Variants in YIPF7 observed in about 807,000 individuals in gnomAD.
YIPF7 encodes the protein protein YIPF7.
A neutral mutation model predicts 27.2 loss-of-function variants in YIPF7; 35 were observed. The ratio of observed to expected loss-of-function variants is 1.29; its 90% CI spans 0.98 to 1.70. The LOEUF is 1.70. Ranked by LOEUF, YIPF7 falls within the 40% of genes most tolerant of loss-of-function variation. The pLI is 0.00. For synonymous variants in YIPF7, 137 were observed against 110.4 expected (o/e 1.24, Z -1.51); for missense variants, 358 against 303.7 (o/e 1.18, Z -1.33).
upstream of YIPF7, among the ~76,000 whole-genome samples, chr4:44,655,476 ATTT>A (rs1560331602): frequency 2.0e-5 from 3 of 151,998 alleles, no homozygotes; most frequent in East Asian, 5.8e-4. Flanking sequence ...GAATGTACCT[ATTT>A]AGGAACACTA....
intron 2 of YIPF7, among the ~76,000 whole-genome samples, chr4:44,643,251 G>A (rs544007458): frequency 1.3e-5 from 2 of 152,286 alleles, no homozygotes; most frequent in South Asian, 2.1e-4. Context: ...TGGGTGCATT[G>A]TGCCCCCTTC....
At chr4:44,651,721 C>A, upstream of YIPF7, 3 of 774,868 alleles carry the variant, frequency 3.9e-6, no homozygotes, top group South Asian at 4.7e-5. Flanking sequence ...AAAAGCCTGC[C>A]AAAAGCCAAA....
At chr4:44,625,191 A>C (rs1301004322) in intron 4 of YIPF7, among the ~76,000 whole-genome samples, 1 of 152,224 alleles carries the variant, frequency 6.6e-6, no homozygotes, top group Non-Finnish European at 1.5e-5. Flanking sequence ...TAAAATTAGC[A>C]AACACCTACA....
Position 44,635,924 on chromosome 4 carries a change from T to C in YIPF7, c.278A>G (p.Glu93Gly). ...DSFDEEPPLL[E>G]ELGIHFDHIW... ...TTAATAACACTTCCTTAACTTATCT[T>C]CTAGCAAAGGAGGCTCTTCATCAAA... The change falls in exon 3 of 6, where the codon GAA (glutamate) becomes GGA (glycine). Residue 93 changes from glutamate (E) to glycine (G), a missense_variant and splice_region_variant. Physicochemically the swap from Glu to Gly is moderately conservative, Grantham distance 98. Transcript: ENST00000415895. The C allele has an allele frequency of 6.2e-7, 1 of 1,613,658 alleles. No homozygotes were observed. The highest frequency in any genetic ancestry group is 8.5e-7 in the Non-Finnish European group (1 of 1,179,704).
At chr4:44,648,040 A>G (rs1713589029) in intron 2 of YIPF7, among the ~76,000 whole-genome samples, 1 of 152,156 alleles carries the variant, frequency 6.6e-6, no homozygotes, top group Non-Finnish European at 1.5e-5. Flanking sequence ...ATTTTATAAT[A>G]AGTCATATGC....
chr4:44,645,344 A>G (rs1713490141), intron 2 of YIPF7, among the ~76,000 whole-genome samples: 1 of 152,236 alleles, frequency 6.6e-6, no homozygotes. Flanking sequence ...ATATTCTTAG[A>G]GACATCTTTC....
At chr4:44,646,930 A>G (rs1293013436) in intron 2 of YIPF7, among the ~76,000 whole-genome samples, 2 of 152,170 alleles carry the variant, frequency 1.3e-5, no homozygotes, top group East Asian at 3.9e-4. Context: ...GATATGGGGT[A>G]TATTTTAATT....
chr4:44,629,614 C>T (rs1712809686), intron 3 of YIPF7, 66 bp from the exon 4 acceptor site: 3 of 1,233,832 alleles, frequency 2.4e-6, no homozygotes, highest in East Asian at 5.3e-5. Flanking sequence ...ATAAGTTACA[C>T]TCTTTAAAGG....
intron 1 of YIPF7, among the ~76,000 whole-genome samples, chr4:44,650,442 T>A (rs954568392): frequency 6.6e-6 from 1 of 151,764 alleles, no homozygotes; most frequent in African/African-American, 2.4e-5. Context: ...AGGACACATC[T>A]AGAAGGATTT....
chr4:44,623,741 C>T (rs1712521667), intron 5 of YIPF7, among the ~76,000 whole-genome samples: 1 of 152,108 alleles, frequency 6.6e-6, no homozygotes, highest in Admixed American at 6.5e-5. Flanking sequence ...GTTGCACATA[C>T]TAATTGCCTA....
At chr4:44,651,515 G>T in intron 1 of YIPF7, 39 bp downstream of exon 1, 1 of 1,443,514 alleles carries the variant, frequency 6.9e-7, no homozygotes, top group Non-Finnish European at 9.4e-7. Flanking sequence ...TTTGTATTTT[G>T]TTTAAATGCC....
At chr4:44,645,329 T>G (rs1713489627) in intron 2 of YIPF7, among the ~76,000 whole-genome samples, 1 of 152,216 alleles carries the variant, frequency 6.6e-6, no homozygotes. Flanking sequence ...CCAATGAGTT[T>G]TCATATATTC....
At chr4:44,652,993 A>T (rs144091878), upstream of YIPF7, among the ~76,000 whole-genome samples, 142 of 152,242 alleles carry the variant, frequency 9.3e-4, 1 homozygote, top group African/African-American at 3.2e-3. Flanking sequence ...GTTAAGATGG[A>T]GAGTGCAAAG....
intron 2 of YIPF7, among the ~76,000 whole-genome samples, chr4:44,640,787 A>C (rs1446051406): frequency 6.6e-6 from 1 of 152,114 alleles, no homozygotes; most frequent in African/African-American, 2.4e-5. Flanking sequence ...ATGCCACACT[A>C]GCTTCTTAGT....
chr4:44,650,552 C>A (rs1425631270), intron 1 of YIPF7, among the ~76,000 whole-genome samples: 1 of 151,432 alleles, frequency 6.6e-6, no homozygotes, highest in African/African-American at 2.4e-5. Context: ...GGATTATTAT[C>A]TGCAAATGGC....
At chr4:44,644,930 T>C (rs1713473355) in intron 2 of YIPF7, among the ~76,000 whole-genome samples, 1 of 152,164 alleles carries the variant, frequency 6.6e-6, no homozygotes, top group Non-Finnish European at 1.5e-5. Flanking sequence ...TCTGGTTGTT[T>C]AAAGATGTGC....
intron 3 of YIPF7, among the ~76,000 whole-genome samples, chr4:44,634,975 T>C (rs1221285573): frequency 6.6e-6 from 1 of 152,296 alleles, no homozygotes. Context: ...ATTATATAAA[T>C]CTCTGTTCTG....
intron 2 of YIPF7, among the ~76,000 whole-genome samples, chr4:44,660,062 G>A (rs1299725054): frequency 4.8e-5 from 6 of 126,132 alleles, no homozygotes; most frequent in African/African-American, 1.2e-4. Flanking sequence ...TGCAGTGAGC[G>A]GAGATTGCGC....
At chr4:44,651,470 T>C (rs917466015) in intron 1 of YIPF7, 84 bp downstream of exon 1, 16 of 779,892 alleles carry the variant, frequency 2.1e-5, no homozygotes, top group Non-Finnish European at 2.9e-5. Flanking sequence ...TTATGTAACA[T>C]GACTATTGGT....
Sources: gnomAD v4.1 joint callset for allele counts (sites outside exome capture counted in the v4.1 genomes callset) on GRCh38, gnomAD v4.1.1 for gene constraint, MANE v1.5 for transcripts, NCBI Gene and HGNC (gene_info 2026-07-23, HGNC 2026-07-21) for gene names.